MED16: variants seen among roughly 807,000 people sequenced by gnomAD.
The protein encoded by MED16 is mediator of RNA polymerase II transcription subunit 16.
In MED16, 81 loss-of-function variants were observed where a neutral mutation model predicts 84.4. The ratio of observed to expected loss-of-function variants is 0.96; its 90% CI spans 0.80 to 1.15. The LOEUF is 1.15. Ranked by LOEUF, MED16 falls within the 50% of genes most tolerant of loss-of-function variation. MED16 has a pLI of 0.00. For missense variants in MED16, 1,585 were observed against 1,245.9 expected, an observed-to-expected ratio of 1.27 and a Z score of -4.10; for synonymous variants, 897 against 552.2, an observed-to-expected ratio of 1.62 and a Z score of -8.76.
chr19:887,813 AG>A (rs2145250945), intron 4 of MED16, among the ~76,000 whole-genome samples: 1 of 152,162 alleles, frequency 6.6e-6, no homozygotes, highest in Admixed American at 6.6e-5. Context: ...TGTCCAGGAC[AG>A]GCAGATCCAG....
intron 6 of MED16, among the ~76,000 whole-genome samples, chr19:882,896 C>T (rs1486419049): frequency 6.6e-6 from 1 of 152,206 alleles, no homozygotes; most frequent in East Asian, 1.9e-4. Context: ...GTCCTGTGAG[C>T]AGCATTCCCT....
chr19:883,298 T>C (rs1209866392), intron 6 of MED16, among the ~76,000 whole-genome samples: 135 of 107,544 alleles, frequency 1.3e-3, no homozygotes, highest in Admixed American at 3.1e-3. Flanking sequence ...AAGCCTGGCA[T>C]GGTGGGCACG....
chr19:879,766 C>A (rs2036370440), intron 8 of MED16, among the ~76,000 whole-genome samples, 171 bp downstream of exon 8: 33 of 143,332 alleles, frequency 2.3e-4, no homozygotes, highest in Admixed American at 7.1e-4. Flanking sequence ...CCCACCAGCC[C>A]CAGCCCCACG....
intron 1 of MED16, among the ~76,000 whole-genome samples, chr19:892,045 G>C (rs1467657250): frequency 6.6e-6 from 1 of 151,802 alleles, no homozygotes; most frequent in African/African-American, 2.4e-5. Flanking sequence ...GAGTGTGTTG[G>C]GGAACACCTG....
Position 889,858 on chromosome 19 carries a change from T to C in MED16, c.278-51A>G, listed in dbSNP as rs527762436. 2.5e-5 allele frequency: 39 copies of C among 1,555,754 alleles called. No homozygotes were observed. In the Admixed American group the frequency reaches 5.5e-4, roughly 22 times the overall value. On this transcript the variant is annotated intron_variant, in intron 3 of 15. Transcript: ENST00000325464. Reference sequence around the variant, plus strand: ...AACCTTCCAGGGATGGGCAGAGCACTGCGTTGCAGGACGGCACAGCGCCTG... The same window carrying C: ...AACCTTCCAGGGATGGGCAGAGCACCGCGTTGCAGGACGGCACAGCGCCTG...
rs2035962014 is a variant in MED16, at chr19:868,251, C to CGAGGG, written c.2484-1_2484insCCCTC (p.Ala829ProfsTer13). ...CGTCCGGCCCACGGCCTTCAACAGC[C>CGAGGG]CTGCAGGGCGGGCTGAGGTTAACCG... is the stretch of plus-strand genomic sequence containing the variant. On this transcript the variant is annotated frameshift_variant and splice_region_variant. Coordinates refer to ENST00000325464, the MANE Select transcript of MED16 (RefSeq NM_005481.3). LOFTEE classifies it high-confidence loss of function. 6.3e-7 allele frequency: 1 copy of CGAGGG among 1,594,158 alleles called. No individual in the cohort carries two copies. Among genetic ancestry groups the CGAGGG allele is most frequent in the Non-Finnish European group, 8.5e-7 (1 of 1,171,274 alleles).
intron 8 of MED16, among the ~76,000 whole-genome samples, chr19:879,046 C>T (rs112844899): frequency 1.3e-3 from 148 of 111,624 alleles, no homozygotes; most frequent in Middle Eastern, 0.023. Context: ...CACCTTCCCC[C>T]GGTTGTCAAT....
chr19:887,348 A>G (rs140861688), intron 4 of MED16, among the ~76,000 whole-genome samples: 2 of 152,278 alleles, frequency 1.3e-5, no homozygotes, highest in Non-Finnish European at 2.9e-5. Context: ...AAAGGAGCAC[A>G]TGTGCCTTTT....
At chr19:880,358 T>G (rs1185842365) in intron 7 of MED16, among the ~76,000 whole-genome samples, 1 of 152,186 alleles carries the variant, frequency 6.6e-6, no homozygotes, top group Non-Finnish European at 1.5e-5. Flanking sequence ...CCAGCAGCCT[T>G]GGCCACACTG....
At chr19:890,086 T>C (rs564246110) in intron 3 of MED16, 51 bp downstream of exon 3, 2 of 1,390,104 alleles carry the variant, frequency 1.4e-6, no homozygotes, top group African/African-American at 1.4e-5. Flanking sequence ...AGGGCCCCCC[T>C]GCTCCGGGAT....
rs193048588 is a variant in MED16, at chr19:877,209, C to T, written c.1354-29G>A. On this transcript the variant is annotated intron_variant, in intron 8 of 15. Transcript: ENST00000325464. Reference sequence around the variant, plus strand: ...CCAGAGACAGAGCCCAAGGAGAGCCCGGTGAGATGGGGCTGCGCCCTCAGC... The same window carrying T: ...CCAGAGACAGAGCCCAAGGAGAGCCTGGTGAGATGGGGCTGCGCCCTCAGC... 4.0e-4 allele frequency: 632 copies of T among 1,585,860 alleles called. 1 individual carries two copies. The African/African-American group carries it at 7.4e-3, about 19-fold the overall frequency.
At chr19:869,045 G>A (rs2035985471) in intron 13 of MED16, 99 bp from the exon 14 acceptor site, 2 of 1,049,836 alleles carry the variant, frequency 1.9e-6, no homozygotes, top group African/African-American at 3.3e-5. Context: ...GGAATGGCCG[G>A]CCTCACACCA....
At chr19:876,006 G>T (rs1165037176) in intron 9 of MED16, among the ~76,000 whole-genome samples, 2 of 152,238 alleles carry the variant, frequency 1.3e-5, no homozygotes, top group African/African-American at 4.8e-5. Flanking sequence ...GACGGCCCAA[G>T]GAGGGAGAGG....
At chr19:892,270 CTA>C (rs2145264070) in intron 1 of MED16, 3 of 160,164 alleles carry the variant, frequency 1.9e-5, no homozygotes, top group African/African-American at 2.4e-5. Context: ...CCACAAGCCT[CTA>C]AAAGTCTTTC....
intron 14 of MED16, among the ~76,000 whole-genome samples, 175 bp from the exon 15 acceptor site, chr19:868,674 G>A (rs903053598): frequency 1.3e-5 from 2 of 151,974 alleles, no homozygotes; most frequent in African/African-American, 4.8e-5. Flanking sequence ...CAGCAATGCT[G>A]CTCCCTGAAC....
At chr19:885,635 C>T (rs996928003) in intron 5 of MED16, 135 bp downstream of exon 5, 5 of 1,059,612 alleles carry the variant, frequency 4.7e-6, no homozygotes, top group African/African-American at 1.6e-5. Context: ...CCCCTGGAGC[C>T]CCCGGGAGGG....
At chr19:888,510 C>T (rs1428853675) in intron 4 of MED16, among the ~76,000 whole-genome samples, 6 of 134,298 alleles carry the variant, frequency 4.5e-5, no homozygotes, top group Admixed American at 2.5e-4. Context: ...GGGGATAGAG[C>T]GAGACTCTGT....
intron 7 of MED16, among the ~76,000 whole-genome samples, chr19:881,239 GCA>G (rs1359465513): frequency 6.6e-6 from 1 of 152,218 alleles, no homozygotes; most frequent in Non-Finnish European, 1.5e-5. Flanking sequence ...GGCTGCTGCA[GCA>G]CAGAGAGGAC....
In MED16 at chr19:868,875, T is replaced by C; in HGVS notation, c.2387A>G (p.Lys796Arg). Residue 796 changes from lysine (K) to arginine (R), a missense_variant, in exon 14 of 16, where the codon AAG becomes AGG. Transcript: ENST00000325464. ...GGGGGCCCCTCACCTGGTGCAGGCC[T>C]TGCATTCCTCCGTGGGGCAAGCGCC... is the stretch of plus-strand genomic sequence containing the variant. ...HLGACPTEEC[K>R]ACTRCGCVTM... 6.5e-7 allele frequency: 1 copy of C among 1,550,220 alleles called. No individual in the cohort carries two copies. Among genetic ancestry groups the C allele is most frequent in the South Asian group, 1.2e-5 (1 of 84,318 alleles).
Sources: allele counts gnomAD v4.1 joint callset (sites outside exome capture counted in the v4.1 genomes callset), GRCh38; gene constraint gnomAD v4.1.1; transcripts MANE v1.5; gene names NCBI Gene and HGNC (gene_info 2026-07-23, HGNC 2026-07-21).